GALNT13: variants seen among roughly 807,000 people sequenced by gnomAD.
GALNT13 encodes the protein UDP-GalNAc:polypeptide N-acetylgalactosaminyltransferase 13.
Under a neutral mutation model 64.2 loss-of-function variants are expected in GALNT13, and 28 were observed. The observed-to-expected ratio is 0.44, with a 90% CI of 0.32 to 0.60. The LOEUF (loss-of-function observed/expected upper bound fraction) is 0.60, where lower values mean the gene tolerates loss of function less well. Ranked by LOEUF, GALNT13 falls within the 20% of genes least tolerant of loss-of-function variation. The pLI is 0.05. For synonymous variants in GALNT13, 214 were observed against 224.6 expected (o/e 0.95, Z 0.42); for missense variants, 577 against 669.8 (o/e 0.86, Z 1.53).
chr2:154,206,147 G>A (rs1687437395), intron 4 of GALNT13, among the ~76,000 whole-genome samples: 2 of 151,696 alleles, frequency 1.3e-5, no homozygotes, highest in African/African-American at 2.4e-5. Flanking sequence ...ACAGGCGCCC[G>A]CCACCACGCC....
chr2:154,333,369 T>C (rs1040326305), intron 9 of GALNT13, among the ~76,000 whole-genome samples: 3 of 152,090 alleles, frequency 2.0e-5, no homozygotes, highest in South Asian at 4.1e-4. Context: ...AGTTAAATAT[T>C]TTATTGATTA....
intron 3 of GALNT13, among the ~76,000 whole-genome samples, chr2:153,966,863 C>T (rs1008576745): frequency 6.6e-6 from 1 of 152,034 alleles, no homozygotes; most frequent in Non-Finnish European, 1.5e-5. Flanking sequence ...TAAAATAACT[C>T]TTAGATTATC....
intron 3 of GALNT13, among the ~76,000 whole-genome samples, chr2:154,135,899 A>C (rs1264526184): frequency 3.3e-5 from 5 of 152,198 alleles, no homozygotes; most frequent in Admixed American, 3.3e-4. Context: ...GGACTGGCAA[A>C]AGAGCATGAT....
chr2:153,844,180 C>T, the GALNT13 span, among the ~76,000 whole-genome samples: 1 of 152,322 alleles, frequency 6.6e-6, no homozygotes, highest in Non-Finnish European at 1.5e-5. Context: ...TCTGTGGGGG[C>T]TTCTCCCCTG....
the GALNT13 span, among the ~76,000 whole-genome samples, chr2:153,144,511 G>T: frequency 6.6e-6 from 1 of 151,876 alleles, no homozygotes; most frequent in Non-Finnish European, 1.5e-5. Flanking sequence ...AACTCCAGAA[G>T]TGTATTTGAG....
At chr2:153,854,385 G>C in the GALNT13 span, among the ~76,000 whole-genome samples, 63,517 of 151,652 alleles carry the variant, frequency 0.42, 14,219 homozygotes, top group Admixed American at 0.57. Flanking sequence ...TTCAAGACCA[G>C]CCTGGCTAAC....
the GALNT13 span, among the ~76,000 whole-genome samples, chr2:153,249,115 C>G: frequency 4.5e-3 from 692 of 152,250 alleles, 5 homozygotes; most frequent in African/African-American, 0.016. Context: ...TGACATAATT[C>G]CATATCTAGA....
In GALNT13 at chr2:154,424,482, C is replaced by T. The variant is rs1574281190; in HGVS notation, c.1396-14110C>T. Among the ~76,000 whole-genome samples, 3 of 152,230 alleles carry T rather than the reference C, an allele frequency of 2.0e-5. No homozygotes were observed. In the South Asian group the frequency reaches 6.2e-4, roughly 32 times the overall value. On this transcript the variant is annotated intron_variant, in intron 11 of 12. Coordinates refer to ENST00000392825, the MANE Select transcript of GALNT13 (RefSeq NM_052917.4). ...AGTTGCTCCCAAAATGTTGTTTCTC[C>T]CCTTGCTTCCAGCCCAACATCAAAA...
intron 11 of GALNT13, among the ~76,000 whole-genome samples, chr2:154,421,552 A>G (rs921548365): frequency 2.0e-5 from 3 of 152,090 alleles, no homozygotes. Context: ...CTGAGATATC[A>G]TGAGATTGTC....
At chr2:153,266,890 A>C in the GALNT13 span, among the ~76,000 whole-genome samples, 1 of 152,162 alleles carries the variant, frequency 6.6e-6, no homozygotes, top group Admixed American at 6.5e-5. Context: ...CATTACCCCA[A>C]AAGTCCAAGT....
At chr2:153,924,257 T>G in intron 2 of GALNT13, among the ~76,000 whole-genome samples, 1 of 136,962 alleles carries the variant, frequency 7.3e-6, no homozygotes, top group Non-Finnish European at 1.6e-5. Context: ...TTTGCCCCCA[T>G]GTGTCTATGT....
At chr2:154,099,069 C>T in intron 3 of GALNT13, among the ~76,000 whole-genome samples, 1 of 152,096 alleles carries the variant, frequency 6.6e-6, no homozygotes, top group East Asian at 1.9e-4. Context: ...TCTCTGCATT[C>T]ATACCAACAT....
chr2:153,646,012 T>G, the GALNT13 span, among the ~76,000 whole-genome samples: 1 of 152,092 alleles, frequency 6.6e-6, no homozygotes, highest in East Asian at 1.9e-4. Context: ...CCCTGTTTTG[T>G]GAGGTATGCA....
intron 3 of GALNT13, among the ~76,000 whole-genome samples, chr2:153,974,821 T>C (rs17439526): frequency 0.24 from 36,179 of 151,888 alleles, 4,842 homozygotes; most frequent in Non-Finnish European, 0.3. Context: ...CACTAGGTCC[T>C]AGGAAATTGG....
rs940625493 is a variant in GALNT13 at position 154,299,201 on chromosome 2, T to C, written c.976-2208T>C. ...GACTTTAGAAGGTATTATGCAAAGATAGGCATAATCTAGTAATGAGAAACG... is the reference window on the plus strand; with the variant it reads ...GACTTTAGAAGGTATTATGCAAAGACAGGCATAATCTAGTAATGAGAAACG... On this transcript the variant is annotated intron_variant, in intron 8 of 12. Coordinates refer to ENST00000392825, the MANE Select transcript of GALNT13 (RefSeq NM_052917.4). Among the ~76,000 whole-genome samples, 4 of 151,538 alleles carry C rather than the reference T, an allele frequency of 2.6e-5. No individual in the cohort carries two copies. The South Asian group carries it at 8.3e-4, about 31-fold the overall frequency.
intron 4 of GALNT13, among the ~76,000 whole-genome samples, chr2:154,167,470 A>T (rs1296154240): frequency 2.6e-5 from 4 of 152,196 alleles, no homozygotes; most frequent in Non-Finnish European, 5.9e-5. Flanking sequence ...GGCTAAAAAA[A>T]AGGCAGCCTC....
intron 4 of GALNT13, among the ~76,000 whole-genome samples, chr2:154,205,964 T>G (rs555802317): frequency 6.6e-6 from 1 of 152,178 alleles, no homozygotes; most frequent in South Asian, 2.1e-4. Context: ...CTGACATACA[T>G]GTTTTGAAAC....
the GALNT13 span, among the ~76,000 whole-genome samples, chr2:153,364,863 TTGAAATG>T: frequency 6.6e-6 from 1 of 152,078 alleles, no homozygotes; most frequent in African/African-American, 2.4e-5. Context: ...ATTGACATTC[TTGAAATG>T]TCACATAATT....
the GALNT13 span, among the ~76,000 whole-genome samples, chr2:153,194,254 C>T: frequency 6.6e-6 from 1 of 152,062 alleles, no homozygotes; most frequent in Non-Finnish European, 1.5e-5. Flanking sequence ...TTTTTGCTGT[C>T]CCATAAATCA....
Sources: allele counts gnomAD v4.1 joint callset (sites outside exome capture counted in the v4.1 genomes callset), GRCh38; gene constraint gnomAD v4.1.1; transcripts MANE v1.5; gene names NCBI Gene and HGNC (gene_info 2026-07-23, HGNC 2026-07-21).